Variants in CFAP46 observed in about 807,000 individuals in gnomAD.
CFAP46 encodes the protein cilia- and flagella-associated protein 46.
Under a neutral mutation model 325.7 loss-of-function variants are expected in CFAP46, and 245 were observed. The ratio of observed to expected loss-of-function variants is 0.75; its 90% confidence interval spans 0.68 to 0.84. The LOEUF (loss-of-function observed/expected upper bound fraction) is 0.84, where lower values mean the gene tolerates loss of function less well. Ranked by LOEUF, CFAP46 falls within the 40% of genes least tolerant of loss-of-function variation. The pLI is 0.00. For synonymous variants in CFAP46, 1,523 were observed against 1,495.9 expected (o/e 1.02, Z -0.42); for missense variants, 3,346 against 3,543.0 (o/e 0.94, Z 1.41).
At position 132,913,091 on chromosome 10, in the gene CFAP46, G is replaced by A. The variant is rs1243113758; in HGVS notation, c.2288C>T (p.Ala763Val). ...LAGRQKELVD[A>V]LYHLLSIVKA... is the part of the protein sequence containing the mutation. The stretch of plus-strand genomic sequence containing the variant: ...AACGATGCTCAGGAGGTGGTACAGG[G>A]CGTCCACCAGCTCCTTCTGCCGCCC... Residue 763 changes from alanine (A) to valine (V), a missense_variant, in exon 18 of 58, where the codon GCC (alanine) becomes GTC (valine). Ala to Val is a moderately conservative substitution (Grantham distance 64). Transcript: ENST00000368586. 4 of 1,550,242 alleles carry A rather than the reference G, an allele frequency of 2.6e-6. No individual in the cohort carries two copies. Among genetic ancestry groups the A allele is most frequent in the East Asian group, 4.9e-5 (2 of 40,942 alleles).
At position 132,938,760 on chromosome 10, in the gene CFAP46, C is replaced by A. The variant is rs369534015; in HGVS notation, c.372-7G>T. On this transcript the variant is annotated splice_polypyrimidine_tract_variant and splice_region_variant and intron_variant, in intron 4 of 57. Coordinates refer to ENST00000368586, the MANE Select transcript of CFAP46 (RefSeq NM_001200049.3). The stretch of plus-strand genomic sequence containing the variant: ...GTACACCAAAAAGTAGTACCTGCGG[C>A]GCGAGCAGAGGAAGCAGAGAGCACG... The A allele has an allele frequency of 2.6e-4, 416 of 1,609,296 alleles. 3 individuals carry two copies. Among genetic ancestry groups the A allele is most frequent in the Admixed American group, 7.2e-4 (43 of 59,826 alleles).
intron 50 of CFAP46, among the ~76,000 whole-genome samples, chr10:132,819,802 A>C (rs1366843924): frequency 2.0e-5 from 3 of 152,252 alleles, no homozygotes; most frequent in Non-Finnish European, 4.4e-5. Flanking sequence ...AAGAAAACAC[A>C]GGATAAAAGC....
chr10:132,932,543 C>T (rs1292682512), intron 8 of CFAP46, among the ~76,000 whole-genome samples: 5 of 114,898 alleles, frequency 4.4e-5, no homozygotes, highest in East Asian at 2.1e-4. Flanking sequence ...GGTCTTCCCA[C>T]GCTCCCCATA....
chr10:132,879,284 A>G (rs952364108), intron 29 of CFAP46, 142 bp downstream of exon 29: 5 of 782,880 alleles, frequency 6.4e-6, no homozygotes, highest in Non-Finnish European at 9.7e-6. Flanking sequence ...TGGATGTCGC[A>G]GGAAATTGCT....
chr10:132,828,741 C>G lies in CFAP46; in HGVS notation c.7117+4617G>C, dbSNP rs992737896. Among the ~76,000 whole-genome samples the G allele has an allele frequency of 6.6e-6, 1 of 152,140 alleles. No individual in the cohort carries two copies. Among genetic ancestry groups the G allele is most frequent in the Non-Finnish European group, 1.5e-5 (1 of 68,044 alleles). ...AGGGTCTTTGGTCTCGGATCCATTT[C>G]GAGCTGATTTTCCTGCGTGGCGTGC... On this transcript the variant is annotated intron_variant, in intron 50 of 57. Transcript: ENST00000368586. The surrounding 1 kb of genome is among the most constrained non-coding windows in gnomAD (Gnocchi z 4.9).
chr10:132,896,583 T>C (rs180980120), intron 24 of CFAP46, among the ~76,000 whole-genome samples: 47 of 152,250 alleles, frequency 3.1e-4, no homozygotes, highest in African/African-American at 9.1e-4. Flanking sequence ...CTGAAAGAAA[T>C]TAAAGATCTA....
chr10:132,913,358 C>T (rs564318700), intron 17 of CFAP46, 100 bp from the exon 18 acceptor site: 11 of 370,088 alleles, frequency 3.0e-5, no homozygotes, highest in Non-Finnish European at 5.4e-5. Context: ...GGCTGCAGGG[C>T]AAGAAGTGGG....
intron 29 of CFAP46, among the ~76,000 whole-genome samples, chr10:132,879,040 C>A (rs572054278): frequency 1.3e-5 from 2 of 152,080 alleles, no homozygotes; most frequent in Non-Finnish European, 2.9e-5. Context: ...CTAACAGAGG[C>A]GCCTGCCGCT....
Position 132,846,209 on chromosome 10 carries a change from T to C in CFAP46, c.6286A>G (p.Thr2096Ala), listed in dbSNP as rs1445025884. The C allele has an allele frequency of 6.2e-7, 1 of 1,611,806 alleles. No homozygotes were observed. The highest frequency in any genetic ancestry group is 8.5e-7 in the Non-Finnish European group (1 of 1,179,650). Reference sequence around the variant, plus strand: ...GCTGCAAGCAGGACATCCCTCATCGTCTCTGAGGCCGAGCAGCTCTGAAAG... The same window carrying C: ...GCTGCAAGCAGGACATCCCTCATCGCCTCTGAGGCCGAGCAGCTCTGAAAG... Reference protein sequence around the residue: ...ALSQSCSASETMRDVLLAATA... With the variant: ...ALSQSCSASEAMRDVLLAATA... Residue 2096 changes from threonine (T) to alanine (A), a missense_variant, in exon 44 of 58, where the codon ACG becomes GCG. By Grantham distance (58) the Thr-to-Ala change is moderately conservative. Transcript: ENST00000368586.
chr10:132,833,587 A>G (rs2134996338), intron 49 of CFAP46, 62 bp from the exon 50 acceptor site: 1 of 1,542,976 alleles, frequency 6.5e-7, no homozygotes, highest in East Asian at 2.3e-5. Context: ...ACGGGGTCGC[A>G]GGGCTCCGTC....
chr10:132,895,833 G>T (rs1239993582), intron 24 of CFAP46, among the ~76,000 whole-genome samples: 1 of 152,258 alleles, frequency 6.6e-6, no homozygotes, highest in East Asian at 1.9e-4. Flanking sequence ...CGAGAGTGGG[G>T]TCCTCACAAT....
chr10:132,921,019 T>A (rs1235598908), intron 13 of CFAP46, among the ~76,000 whole-genome samples: 1 of 152,174 alleles, frequency 6.6e-6, no homozygotes, highest in Non-Finnish European at 1.5e-5. Flanking sequence ...CTGAGGGCGG[T>A]GGATGACAGG....
chr10:132,937,438 G>A (rs1419103969), intron 6 of CFAP46, 114 bp downstream of exon 6: 2 of 1,220,304 alleles, frequency 1.6e-6, no homozygotes, highest in Non-Finnish European at 2.4e-6. Context: ...ATGTATGTAT[G>A]CATATAGATT....
At chr10:132,929,669 C>T in intron 9 of CFAP46, 36 bp downstream of exon 9, 1 of 1,580,216 alleles carries the variant, frequency 6.3e-7, no homozygotes, top group Non-Finnish European at 8.7e-7. Context: ...TGAGCAGCGC[C>T]TCATCCCCAG....
In CFAP46 at chr10:132,941,668, C is replaced by A. The variant is rs145568678; in HGVS notation, c.229G>T (p.Ala77Ser). The A allele has an allele frequency of 8.1e-5, 130 of 1,613,910 alleles. No homozygotes were observed. Among genetic ancestry groups the A allele is most frequent in the Non-Finnish European group, 1.1e-4 (125 of 1,180,038 alleles). Residue 77 changes from alanine to serine, a missense_variant, in exon 3 of 58, where the codon GCG (alanine) becomes TCG (serine). Transcript: ENST00000368586. The part of the protein sequence containing the change: ...DCIQMYFKVK[A>S]PITQFLGRAH... The stretch of plus-strand genomic sequence containing the variant: ...CGGCCCAGAAACTGGGTGATGGGCG[C>A]CTTCACCTTGAAGTACATTTGGATG...
chr10:132,925,726 C>A (rs1289217111), intron 10 of CFAP46, among the ~76,000 whole-genome samples: 1 of 152,264 alleles, frequency 6.6e-6, no homozygotes, highest in African/African-American at 2.4e-5. Context: ...AAGTCCACAG[C>A]GGCATCGGCA....
chr10:132,916,704 G>A, intron 16 of CFAP46, 22 bp from the exon 17 acceptor site: 2 of 1,443,276 alleles, frequency 1.4e-6, no homozygotes, highest in Non-Finnish European at 1.8e-6. Flanking sequence ...ACATGCGGTG[G>A]GAGGGGTCAT....
chr10:132,899,114 C>G lies in CFAP46; in HGVS notation c.3064G>C (p.Gly1022Arg). ...KAFTESARFG[G>R]IAGSSALVML... ...ACCAGGGCGCTGCTGCCCGCGATGC[C>G]TCCGAACCTAAAAGAGGGCAGGTCA... Residue 1022 changes from glycine (G) to arginine (R), a missense_variant, in exon 24 of 58, where the codon GGC becomes CGC. By Grantham distance (125) the Gly-to-Arg change is moderately radical. Transcript: ENST00000368586. The G allele has an allele frequency of 6.5e-7, 1 of 1,549,256 alleles. No individual in the cohort carries two copies. The highest frequency in any genetic ancestry group is 8.7e-7 in the Non-Finnish European group (1 of 1,146,708).
intron 50 of CFAP46, among the ~76,000 whole-genome samples, chr10:132,825,218 C>T (rs1591037732): frequency 9.9e-6 from 1 of 100,928 alleles, no homozygotes; most frequent in East Asian, 3.3e-4. Context: ...GTGTGTGTGC[C>T]CTGATGTGTG....
Sources: gnomAD v4.1 joint callset for allele counts (sites outside exome capture counted in the v4.1 genomes callset) on GRCh38, gnomAD v4.1.1 for gene constraint, Gnocchi (gnomAD v3.1) non-coding constraint, MANE v1.5 for transcripts, NCBI Gene and HGNC (gene_info 2026-07-23, HGNC 2026-07-21) for gene names.